The following LRRC4C variants were observed in gnomAD, a reference collection of about 807,000 sequenced individuals.
LRRC4C encodes leucine-rich repeat-containing protein 4C.
Under a neutral mutation model 33.6 loss-of-function variants are expected in LRRC4C, and 5 were observed. The ratio of observed to expected loss-of-function variants is 0.15; its 90% confidence interval spans 0.08 to 0.31. The LOEUF (loss-of-function observed/expected upper bound fraction) is 0.31. LRRC4C is among the 10% of genes least tolerant of loss of function. The pLI is 1.00. For synonymous variants in LRRC4C, 329 were observed against 302.0 expected (o/e 1.09, Z -0.93); for missense variants, 560 against 796.7 (o/e 0.70, Z 3.58).
chr11:41,437,425 G>GCGCACA (rs370615249), intron 1 of LRRC4C, among the ~76,000 whole-genome samples: 2 of 149,266 alleles, frequency 1.3e-5, no homozygotes, highest in African/African-American at 4.9e-5. Flanking sequence ...GCGCGCGCGC[G>GCGCACA]CACACACACA....
intron 2 of LRRC4C, among the ~76,000 whole-genome samples, chr11:40,773,972 A>G (rs1483770098): frequency 6.6e-6 from 1 of 152,128 alleles, no homozygotes; most frequent in African/African-American, 2.4e-5. Flanking sequence ...ACTTATTATC[A>G]CAAAATAAAA....
At chr11:40,713,078 G>C (rs1946546023) in intron 2 of LRRC4C, among the ~76,000 whole-genome samples, 1 of 147,520 alleles carries the variant, frequency 6.8e-6, no homozygotes, top group South Asian at 2.1e-4. Context: ...TTTTTTAGTA[G>C]AGATTAGATT....
rs541108324 is a variant in LRRC4C at position 40,808,197 on chromosome 11, ATAT to A, written c.-407+125435_-407+125437del. Among the ~76,000 whole-genome samples, 422 of 152,148 alleles carry A rather than the reference ATAT, an allele frequency of 2.8e-3. 2 individuals are homozygous for A. Among genetic ancestry groups the A allele is most frequent in the African/African-American group, 9.8e-3 (409 of 41,530 alleles). ...TATAGTATATATAATCTGATATTTT[ATAT>A]TATCATAATTATCATTACTGTTTCC... On this transcript the variant is annotated intron_variant, in intron 2 of 6. Coordinates refer to ENST00000528697, the MANE Select transcript of LRRC4C (RefSeq NM_001258419.2).
intron 2 of LRRC4C, among the ~76,000 whole-genome samples, chr11:40,826,868 T>C (rs1010181939): frequency 5.9e-5 from 9 of 151,986 alleles, no homozygotes; most frequent in African/African-American, 1.4e-4. Flanking sequence ...TCAAGAGGAT[T>C]TAAATACATA....
intron 2 of LRRC4C, among the ~76,000 whole-genome samples, chr11:40,854,824 T>G (rs531401858): frequency 3.4e-4 from 51 of 151,992 alleles, no homozygotes; most frequent in African/African-American, 1.2e-3. Flanking sequence ...ATATATTATC[T>G]TGTGTTTTTC....
chr11:40,665,066 T>G (rs2136231332), intron 2 of LRRC4C, among the ~76,000 whole-genome samples: 1 of 151,722 alleles, frequency 6.6e-6, no homozygotes, highest in Middle Eastern at 3.4e-3. Context: ...AGAATGATGG[T>G]TTGTCAAGGA....
At chr11:41,441,657 C>T (rs1955625058) in intron 1 of LRRC4C, among the ~76,000 whole-genome samples, 1 of 151,118 alleles carries the variant, frequency 6.6e-6, no homozygotes, top group South Asian at 2.1e-4. Context: ...ATGTCTCTTC[C>T]TTCTATTTCA....
At chr11:40,267,498 C>T (rs1191030329) in intron 4 of LRRC4C, among the ~76,000 whole-genome samples, 2 of 152,112 alleles carry the variant, frequency 1.3e-5, no homozygotes, top group Non-Finnish European at 2.9e-5. Context: ...ACTACAGGCG[C>T]CCGCCACCAC....
rs1948857131 is a variant in LRRC4C, at chr11:41,257,982, A to G, written c.-496+201449T>C. On this transcript the variant is annotated intron_variant, in intron 1 of 6. Coordinates refer to ENST00000528697, the MANE Select transcript of LRRC4C (RefSeq NM_001258419.2). ...TGTGTTTGCGTGCTTAAATTTTTTT[A>G]TTATTTAGAAAAAGAAAGAAAAGCC... 2.0e-5 allele frequency among the ~76,000 whole-genome samples: 3 copies of G among 151,876 alleles called. No individual in the cohort carries two copies. In the South Asian group the frequency reaches 6.2e-4, roughly 31 times the overall value.
intron 4 of LRRC4C, among the ~76,000 whole-genome samples, chr11:40,272,977 TG>T (rs58796030): frequency 0.17 from 26,119 of 152,082 alleles, 2,608 homozygotes; most frequent in Admixed American, 0.28. Flanking sequence ...ATTTATATGA[TG>T]AGTTTAATGG....
intron 3 of LRRC4C, among the ~76,000 whole-genome samples, chr11:40,586,524 G>C (rs1243624911): frequency 6.7e-6 from 1 of 148,624 alleles, no homozygotes; most frequent in Admixed American, 6.8e-5. Context: ...ATTGATTTTG[G>C]TGTTTTAGAC....
intron 3 of LRRC4C, among the ~76,000 whole-genome samples, chr11:40,437,370 A>G (rs1169057651): frequency 6.6e-6 from 1 of 152,056 alleles, no homozygotes; most frequent in Non-Finnish European, 1.5e-5. Context: ...TCCTCTGCTT[A>G]AAACTTTCCA....
At chr11:40,443,849 A>G (rs561845856) in intron 3 of LRRC4C, among the ~76,000 whole-genome samples, 1 of 152,344 alleles carries the variant, frequency 6.6e-6, no homozygotes, top group Admixed American at 6.5e-5. Context: ...TTAGCAATCT[A>G]AACATCATTA....
intron 4 of LRRC4C, among the ~76,000 whole-genome samples, chr11:40,262,378 T>C (rs370864313): frequency 1.3e-5 from 2 of 152,168 alleles, no homozygotes; most frequent in African/African-American, 4.8e-5. Context: ...CTTTCCACTG[T>C]TGGTGGGAGT....
rs541635581 is a variant in LRRC4C, at chr11:40,174,098, A to C, written c.-95-33245T>G. Among the ~76,000 whole-genome samples the C allele has an allele frequency of 1.1e-4, 16 of 152,290 alleles. No individual in the cohort carries two copies. The South Asian group carries it at 3.3e-3, about 32-fold the overall frequency. On this transcript the variant is annotated intron_variant, in intron 5 of 6. Transcript: ENST00000528697. ...ATACACACTAAAATGTTGATGAGAA[A>C]ATTAAGAGATAATGCATGCATGGTG...
At chr11:40,845,664 A>G (rs1240755548) in intron 2 of LRRC4C, among the ~76,000 whole-genome samples, 1 of 152,168 alleles carries the variant, frequency 6.6e-6, no homozygotes, top group Non-Finnish European at 1.5e-5. Flanking sequence ...TCTTTATAGT[A>G]GGATGATTTA....
At chr11:40,977,115 T>C (rs1352339723) in intron 1 of LRRC4C, among the ~76,000 whole-genome samples, 1 of 152,026 alleles carries the variant, frequency 6.6e-6, no homozygotes, top group East Asian at 1.9e-4. Flanking sequence ...CACTTTACAA[T>C]AGGGTTTGCC....
Position 40,926,756 on chromosome 11 carries a change from A to C in LRRC4C, c.-407+6879T>G, listed in dbSNP as rs1381258504. ...TAAATAAGTCAAGATAGAAGTCTAC[A>C]CAGAAATACTATGCAAACCTTAAAA... On this transcript the variant is annotated intron_variant, in intron 2 of 6. Transcript: ENST00000528697. Among the ~76,000 whole-genome samples, 3 of 152,174 alleles carry C rather than the reference A, an allele frequency of 2.0e-5. No homozygotes were observed. The East Asian group carries it at 5.8e-4, about 29-fold the overall frequency.
intron 1 of LRRC4C, among the ~76,000 whole-genome samples, chr11:41,248,987 G>T (rs1948543055): frequency 6.6e-6 from 1 of 150,866 alleles, no homozygotes; most frequent in South Asian, 2.1e-4. Context: ...CTCTGAATTT[G>T]CCCACTTCTC....
Sources: gnomAD v4.1 joint callset for allele counts (sites outside exome capture counted in the v4.1 genomes callset) on GRCh38, gnomAD v4.1.1 for gene constraint, MANE v1.5 for transcripts, NCBI Gene and HGNC (gene_info 2026-07-23, HGNC 2026-07-21) for gene names.